SHB: variants seen among roughly 807,000 people sequenced by gnomAD.
SHB encodes SH2 domain-containing adapter protein B.
In SHB, 20 loss-of-function variants were observed where a neutral mutation model predicts 52.3. That is an observed-to-expected ratio of 0.38 (90% CI 0.27 to 0.56). SHB has a LOEUF of 0.56. Among genes scored for constraint, SHB ranks in the 20% least tolerant of loss-of-function variants. The pLI, the probability that SHB is intolerant of heterozygous loss-of-function variation, is 0.71. For synonymous variants in SHB, 397 were observed against 316.5 expected (o/e 1.25, Z -2.70); for missense variants, 825 against 723.3 (o/e 1.14, Z -1.61).
chr9:38,054,132 G>A (rs1821783541), intron 1 of SHB, among the ~76,000 whole-genome samples: 1 of 152,202 alleles, frequency 6.6e-6, no homozygotes, highest in African/African-American at 2.4e-5. Flanking sequence ...CCAGGGCTAG[G>A]ATTTGAGCTC....
chr9:37,970,823 C>T (rs1031895451), intron 3 of SHB, among the ~76,000 whole-genome samples: 3 of 152,012 alleles, frequency 2.0e-5, no homozygotes, highest in Admixed American at 2.0e-4. Flanking sequence ...GCCCTACATC[C>T]CTGTGACTCC....
At chr9:37,957,948 G>A (rs578041869) in intron 3 of SHB, among the ~76,000 whole-genome samples, 6 of 152,328 alleles carry the variant, frequency 3.9e-5, no homozygotes, top group Admixed American at 2.0e-4. Flanking sequence ...GACACAAAAT[G>A]ATCCAGAGTG....
At chr9:38,037,315 T>C (rs777720338) in intron 1 of SHB, among the ~76,000 whole-genome samples, 22 of 152,168 alleles carry the variant, frequency 1.4e-4, no homozygotes, top group Non-Finnish European at 4.4e-5. Context: ...TATAGGCCCA[T>C]GGTCAACAGG....
At chr9:38,015,874 C>A in intron 2 of SHB, 137 bp downstream of exon 2, 2 of 808,234 alleles carry the variant, frequency 2.5e-6, no homozygotes, top group Non-Finnish European at 4.0e-6. Flanking sequence ...CTTAATACAG[C>A]ATTGCTCCCA....
chr9:38,055,501 G>A (rs1388162072), intron 1 of SHB, among the ~76,000 whole-genome samples: 1 of 152,112 alleles, frequency 6.6e-6, no homozygotes, highest in Non-Finnish European at 1.5e-5. Flanking sequence ...AAAAATTTGA[G>A]TGACCAAAAT....
chr9:38,050,800 A>C (rs1327376749), intron 1 of SHB, among the ~76,000 whole-genome samples: 1 of 152,218 alleles, frequency 6.6e-6, no homozygotes, highest in Non-Finnish European at 1.5e-5. Flanking sequence ...AGAAACCATC[A>C]AAAGCAAAGG....
chr9:37,974,491 T>C, intron 3 of SHB, 131 bp downstream of exon 3: 1 of 726,336 alleles, frequency 1.4e-6, no homozygotes, highest in Non-Finnish European at 2.3e-6. Flanking sequence ...TCTGTGAGGG[T>C]ACTGAGAAAA....
At chr9:38,006,422 AG>A (rs1821076910) in intron 2 of SHB, among the ~76,000 whole-genome samples, 1 of 152,186 alleles carries the variant, frequency 6.6e-6, no homozygotes, top group African/African-American at 2.4e-5. Flanking sequence ...GGGCGGGTAC[AG>A]GATGCAGGAG....
intron 5 of SHB, among the ~76,000 whole-genome samples, chr9:37,947,129 G>A (rs777995718): frequency 6.6e-6 from 1 of 152,176 alleles, no homozygotes; most frequent in African/African-American, 2.4e-5. Flanking sequence ...TAACTGACCC[G>A]ATTCTTTCAG....
At chr9:37,986,487 G>A (rs771676605) in intron 2 of SHB, among the ~76,000 whole-genome samples, 15 of 152,166 alleles carry the variant, frequency 9.9e-5, no homozygotes, top group African/African-American at 1.4e-4. Context: ...GGTGGACCAG[G>A]AGCCTTCATT....
Position 38,054,024 on chromosome 9 carries a change from G to C in SHB, c.717+13905C>G, listed in dbSNP as rs539898057. ...TATGGTGACACAGAGTGAATGGTCAGGAAACACCATCTGTTACTATTCTAC... is the reference window on the plus strand; with the variant it reads ...TATGGTGACACAGAGTGAATGGTCACGAAACACCATCTGTTACTATTCTAC... On this transcript the variant is annotated intron_variant, in intron 1 of 5. Coordinates refer to ENST00000377707, the MANE Select transcript of SHB (RefSeq NM_003028.3). Among the ~76,000 whole-genome samples the C allele has an allele frequency of 2.0e-5, 3 of 152,164 alleles. No individual in the cohort carries two copies. The East Asian group carries it at 5.8e-4, about 29-fold the overall frequency.
In SHB at chr9:37,919,872, T is replaced by G; in HGVS notation, c.1479A>C (p.Lys493Asn). ...HYYTTRKLPIKGAEHLSLLYP... is the reference protein window; with the variant it reads ...HYYTTRKLPINGAEHLSLLYP... ...AGAGGAGGGACAAGTGCTCAGCCCCTTTGATGGGTAGCTTTCTGGTGGTGT... is the reference window on the plus strand; with the variant it reads ...AGAGGAGGGACAAGTGCTCAGCCCCGTTGATGGGTAGCTTTCTGGTGGTGT... The change falls in exon 6 of 6, where the codon AAA (lysine) becomes AAC (asparagine). Residue 493 changes from lysine (K) to asparagine (N), a missense_variant. Transcript: ENST00000377707. 6.2e-7 allele frequency: 1 copy of G among 1,614,122 alleles called. No individual in the cohort carries two copies. The highest frequency in any genetic ancestry group is 8.5e-7 in the Non-Finnish European group (1 of 1,180,002).
chr9:37,948,504 C>G, intron 5 of SHB, 131 bp downstream of exon 5: 2 of 1,085,180 alleles, frequency 1.8e-6, no homozygotes, highest in African/African-American at 1.6e-5. Context: ...TTGAAAAACC[C>G]AGGCCTAAAA....
At chr9:38,045,734 T>C (rs1016935498) in intron 1 of SHB, among the ~76,000 whole-genome samples, 4 of 152,150 alleles carry the variant, frequency 2.6e-5, no homozygotes, top group African/African-American at 9.7e-5. Context: ...ATAAAAACGG[T>C]GCATTTTAAA....
At chr9:37,971,561 A>T (rs1820590419) in intron 3 of SHB, among the ~76,000 whole-genome samples, 1 of 152,226 alleles carries the variant, frequency 6.6e-6, no homozygotes, top group Admixed American at 6.5e-5. Flanking sequence ...CAGGAAGCAG[A>T]ACTGAGCCAA....
intron 2 of SHB, among the ~76,000 whole-genome samples, chr9:37,982,029 A>G (rs1023275608): frequency 1.3e-5 from 2 of 152,154 alleles, no homozygotes; most frequent in African/African-American, 4.8e-5. Flanking sequence ...AAATGAGCAC[A>G]CGCTGTTGGA....
At chr9:38,050,726 C>T (rs961576953) in intron 1 of SHB, among the ~76,000 whole-genome samples, 2 of 151,892 alleles carry the variant, frequency 1.3e-5, no homozygotes, top group East Asian at 1.9e-4. Context: ...TAGAAGCTGC[C>T]GAATGTTAAG....
chr9:38,062,230 T>C (rs544058494), intron 1 of SHB, among the ~76,000 whole-genome samples: 1 of 152,236 alleles, frequency 6.6e-6, no homozygotes, highest in Non-Finnish European at 1.5e-5. Flanking sequence ...TGCACTGGTG[T>C]GATCCTTGCT....
chr9:37,943,880 T>C (rs1019767145), intron 5 of SHB, among the ~76,000 whole-genome samples: 2 of 152,232 alleles, frequency 1.3e-5, no homozygotes, highest in African/African-American at 4.8e-5. Context: ...CCAAGACTCA[T>C]TCGCAGGCCA....
Sources: gnomAD v4.1 joint callset for allele counts (sites outside exome capture counted in the v4.1 genomes callset) on GRCh38, gnomAD v4.1.1 for gene constraint, MANE v1.5 for transcripts, NCBI Gene and HGNC (gene_info 2026-07-23, HGNC 2026-07-21) for gene names.